CDKAL1: variants seen among roughly 807,000 people sequenced by gnomAD.
CDKAL1 encodes the protein threonylcarbamoyladenosine tRNA methylthiotransferase.
CDKAL1 carries 32 observed loss-of-function variants against 68.2 expected under a neutral mutation model. The observed-to-expected ratio is 0.47, with a 90% CI of 0.35 to 0.63. CDKAL1 has a LOEUF of 0.63. Among genes scored for constraint, CDKAL1 ranks in the 30% least tolerant of loss-of-function variants. The pLI is 0.00. For synonymous variants in CDKAL1, 234 were observed against 244.3 expected (o/e 0.96, Z 0.39); for missense variants, 606 against 696.7 (o/e 0.87, Z 1.47).
intron 4 of CDKAL1, among the ~76,000 whole-genome samples, chr6:20,638,711 A>G (rs1768020681): frequency 6.6e-6 from 1 of 151,324 alleles, no homozygotes; most frequent in South Asian, 2.1e-4. Flanking sequence ...TCCCTGGTTC[A>G]AGCGATTCTC....
intron 12 of CDKAL1, among the ~76,000 whole-genome samples, chr6:21,083,237 G>A (rs908613612): frequency 1.3e-5 from 2 of 152,050 alleles, no homozygotes; most frequent in African/African-American, 4.8e-5. Context: ...TAATAATTTT[G>A]TGCAAGAAAC....
chr6:20,540,732 AG>A (rs1327622826), intron 2 of CDKAL1, among the ~76,000 whole-genome samples: 7 of 152,198 alleles, frequency 4.6e-5, no homozygotes, highest in African/African-American at 1.7e-4. Flanking sequence ...TTGGGATTAC[AG>A]GCGTGAGCCA....
chr6:21,163,717 G>A (rs374859788), intron 13 of CDKAL1, among the ~76,000 whole-genome samples: 17 of 152,232 alleles, frequency 1.1e-4, no homozygotes, highest in African/African-American at 3.1e-4. Flanking sequence ...TCAGGAGGCC[G>A]AGAGACGGGT....
At chr6:20,917,151 T>C (rs1442944719) in intron 9 of CDKAL1, among the ~76,000 whole-genome samples, 1 of 152,126 alleles carries the variant, frequency 6.6e-6, no homozygotes, top group African/African-American at 2.4e-5. Context: ...CAGCTGATTT[T>C]TGTATTTGTA....
intron 8 of CDKAL1, among the ~76,000 whole-genome samples, chr6:20,804,271 G>C (rs920235153): frequency 6.6e-6 from 1 of 152,160 alleles, no homozygotes; most frequent in African/African-American, 2.4e-5. Flanking sequence ...AGAAACAGTT[G>C]TGAATTAGTT....
intron 9 of CDKAL1, among the ~76,000 whole-genome samples, chr6:20,905,514 A>G (rs1458399407): frequency 3.3e-5 from 5 of 152,206 alleles, no homozygotes; most frequent in Admixed American, 1.3e-4. Context: ...GAAAGGGGCA[A>G]TGAGAATATT....
At chr6:20,890,193 G>A (rs1004842582) in intron 9 of CDKAL1, among the ~76,000 whole-genome samples, 1 of 152,186 alleles carries the variant, frequency 6.6e-6, no homozygotes, top group Non-Finnish European at 1.5e-5. Context: ...GTTAGCACTC[G>A]CCTTGGGCAG....
chr6:20,985,209 G>A (rs1210111981), intron 10 of CDKAL1, among the ~76,000 whole-genome samples: 3 of 152,032 alleles, frequency 2.0e-5, no homozygotes, highest in Non-Finnish European at 2.9e-5. Context: ...ATCACTTTAC[G>A]TGTTCATCAT....
chr6:20,648,419 C>T (rs530777485), intron 4 of CDKAL1, among the ~76,000 whole-genome samples: 72 of 152,042 alleles, frequency 4.7e-4, no homozygotes, highest in African/African-American at 1.7e-3. Context: ...TGAGCCACTG[C>T]GCCCGGTAGA....
intron 4 of CDKAL1, among the ~76,000 whole-genome samples, chr6:20,589,709 C>T (rs1765515621): frequency 7.6e-6 from 1 of 132,172 alleles, no homozygotes; most frequent in African/African-American, 3.2e-5. Flanking sequence ...TAGTTTTTCT[C>T]ATATTATTAG....
At chr6:20,948,849 C>CTGAA (rs755582978) in intron 9 of CDKAL1, among the ~76,000 whole-genome samples, 2 of 152,164 alleles carry the variant, frequency 1.3e-5, no homozygotes, top group Non-Finnish European at 2.9e-5. Context: ...ACTGGGGAGT[C>CTGAA]TGAAGCCTTG....
At chr6:21,065,319 A>G (rs945587288) in intron 12 of CDKAL1, 91 bp downstream of exon 12, 12 of 1,001,384 alleles carry the variant, frequency 1.2e-5, no homozygotes, top group Non-Finnish European at 1.8e-5. Context: ...TGCTCATGTT[A>G]TAACCCTTAA....
intron 9 of CDKAL1, among the ~76,000 whole-genome samples, chr6:20,847,975 C>A (rs1778437791): frequency 6.6e-6 from 1 of 152,158 alleles, no homozygotes; most frequent in Non-Finnish European, 1.5e-5. Context: ...TAGATGTTTC[C>A]CACTGGCCAT....
At chr6:21,220,053 T>C (rs1233469408) in intron 15 of CDKAL1, among the ~76,000 whole-genome samples, 1 of 152,206 alleles carries the variant, frequency 6.6e-6, no homozygotes, top group African/African-American at 2.4e-5. Flanking sequence ...GGGGCAGCTT[T>C]CATTCATACT....
chr6:20,859,341 G>A (rs577822869), intron 9 of CDKAL1, among the ~76,000 whole-genome samples: 1 of 152,198 alleles, frequency 6.6e-6, no homozygotes, highest in South Asian at 2.1e-4. Flanking sequence ...TGCTTCAGGG[G>A]AAATCTGGAA....
rs190059264 is a variant in CDKAL1 at position 20,776,566 on chromosome 6, C to G, written c.518-4579C>G. ...AGGCGATGAAACATGTATATAACTA[C>G]TTAGAATCTTAGAGCTGTACGAATT... On this transcript the variant is annotated intron_variant, in intron 7 of 15. Transcript: ENST00000274695. Among the ~76,000 whole-genome samples, 9 of 152,262 alleles carry G rather than the reference C, an allele frequency of 5.9e-5. No homozygotes were observed. In the East Asian group the frequency reaches 1.7e-3, roughly 29 times the overall value.
chr6:21,072,831 A>G (rs1006219370), intron 12 of CDKAL1, among the ~76,000 whole-genome samples: 1 of 152,142 alleles, frequency 6.6e-6, no homozygotes, highest in African/African-American at 2.4e-5. Context: ...CCTACATTAC[A>G]TATCATTTTC....
intron 8 of CDKAL1, among the ~76,000 whole-genome samples, chr6:20,795,125 A>G (rs747629026): frequency 7.9e-5 from 12 of 152,172 alleles, no homozygotes; most frequent in South Asian, 6.2e-4. Context: ...TACCTTTCCC[A>G]TCCACACTTC....
intron 9 of CDKAL1, among the ~76,000 whole-genome samples, chr6:20,867,796 T>C (rs904543704): frequency 6.6e-6 from 1 of 152,166 alleles, no homozygotes; most frequent in South Asian, 2.1e-4. Context: ...TGTTGAATAA[T>C]TTCCCCTATC....
Sources: allele counts gnomAD v4.1 joint callset (sites outside exome capture counted in the v4.1 genomes callset), GRCh38; gene constraint gnomAD v4.1.1; transcripts MANE v1.5; gene names NCBI Gene and HGNC (gene_info 2026-07-23, HGNC 2026-07-21).